The following TMEM108 variants were observed in gnomAD, a reference collection of about 807,000 sequenced individuals.
TMEM108 encodes the protein cancer/testis antigen 124.
Under a neutral mutation model 35.1 loss-of-function variants are expected in TMEM108, and 12 were observed. The observed-to-expected ratio is 0.34, with a 90% CI of 0.22 to 0.55. The LOEUF (loss-of-function observed/expected upper bound fraction) is 0.55, where lower values mean the gene tolerates loss of function less well. TMEM108 is among the 20% of genes least tolerant of loss of function. TMEM108 has a pLI of 0.89. For missense variants in TMEM108, 680 were observed against 753.3 expected (o/e 0.90, Z 1.14); for synonymous variants, 287 against 308.6 (o/e 0.93, Z 0.73).
At chr3:133,244,883 G>T (rs80080801) in intron 3 of TMEM108, among the ~76,000 whole-genome samples, 6,754 of 152,272 alleles carry the variant, frequency 0.044, 191 homozygotes, top group Non-Finnish European at 0.064. Context: ...ATTCTTGTGT[G>T]TACAACAGGG....
At chr3:133,339,435 C>G (rs2071597302) in intron 3 of TMEM108, among the ~76,000 whole-genome samples, 1 of 151,842 alleles carries the variant, frequency 6.6e-6, no homozygotes, top group African/African-American at 2.4e-5. Context: ...ACACCCAACA[C>G]TGGAGCACCC....
intron 2 of TMEM108, among the ~76,000 whole-genome samples, chr3:133,085,016 G>A (rs758359304): frequency 8.5e-5 from 13 of 152,140 alleles, no homozygotes; most frequent in Non-Finnish European, 1.2e-4. Flanking sequence ...GAAGCACCTC[G>A]CGAGGCCTCA....
intron 3 of TMEM108, among the ~76,000 whole-genome samples, chr3:133,278,034 C>T (rs1159409340): frequency 6.6e-6 from 1 of 152,318 alleles, no homozygotes; most frequent in African/African-American, 2.4e-5. Context: ...AACAAAACTA[C>T]GGCAAGCCTT....
At chr3:133,391,680 T>C (rs1197488975) in intron 5 of TMEM108, among the ~76,000 whole-genome samples, 3 of 152,166 alleles carry the variant, frequency 2.0e-5, no homozygotes, top group African/African-American at 7.2e-5. Context: ...GCATGGGCTG[T>C]CGCCTCTCCT....
chr3:133,166,757 A>G (rs1945044806), intron 2 of TMEM108, among the ~76,000 whole-genome samples: 1 of 152,226 alleles, frequency 6.6e-6, no homozygotes. Flanking sequence ...CCAAAGAGTG[A>G]GCAGCAGAAA....
chr3:133,349,558 G>A (rs2071927876), intron 3 of TMEM108, among the ~76,000 whole-genome samples: 1 of 151,366 alleles, frequency 6.6e-6, no homozygotes, highest in African/African-American at 2.4e-5. Flanking sequence ...CTGACAAGGG[G>A]TTAATATCCA....
intron 3 of TMEM108, among the ~76,000 whole-genome samples, chr3:133,343,566 T>G (rs2071727512): frequency 6.6e-6 from 1 of 151,928 alleles, no homozygotes; most frequent in Non-Finnish European, 1.5e-5. Flanking sequence ...GTTGCTGATT[T>G]GTGCAAAGAC....
chr3:133,160,503 G>C (rs1454930846), intron 2 of TMEM108, among the ~76,000 whole-genome samples: 3 of 152,152 alleles, frequency 2.0e-5, no homozygotes, highest in Non-Finnish European at 4.4e-5. Context: ...GCTTCTCCAG[G>C]TTTAGGTTAA....
At chr3:133,310,104 T>C (rs1210342802) in intron 3 of TMEM108, among the ~76,000 whole-genome samples, 1 of 152,176 alleles carries the variant, frequency 6.6e-6, no homozygotes, top group Non-Finnish European at 1.5e-5. Flanking sequence ...AGTTCTTTTA[T>C]ATTTGCTTTA....
At chr3:133,044,205 T>C (rs1943308202) in intron 1 of TMEM108, among the ~76,000 whole-genome samples, 1 of 152,252 alleles carries the variant, frequency 6.6e-6, no homozygotes, top group African/African-American at 2.4e-5. Context: ...TGTTATGTAA[T>C]GTCAATTTTC....
chr3:133,121,870 A>AT (rs1383727941), intron 2 of TMEM108, among the ~76,000 whole-genome samples: 4 of 152,236 alleles, frequency 2.6e-5, no homozygotes, highest in Non-Finnish European at 5.9e-5. Context: ...GCAATGCTCT[A>AT]TTTTTTTAAC....
At chr3:133,119,571 G>A (rs1294218853) in intron 2 of TMEM108, 3 of 152,150 alleles carry the variant, frequency 2.0e-5, no homozygotes, top group Non-Finnish European at 4.4e-5. Flanking sequence ...AATGAATAGT[G>A]TAAATAAGTT....
At chr3:133,230,855 A>G (rs1235438572) in intron 3 of TMEM108, among the ~76,000 whole-genome samples, 1 of 152,198 alleles carries the variant, frequency 6.6e-6, no homozygotes, top group East Asian at 1.9e-4. Flanking sequence ...CCATCCTCTT[A>G]TATTGAGCAA....
chr3:133,222,963 G>A (rs938847282), intron 2 of TMEM108, among the ~76,000 whole-genome samples: 1 of 152,004 alleles, frequency 6.6e-6, no homozygotes, highest in Non-Finnish European at 1.5e-5. Context: ...TGGGACCATA[G>A]GCACACATCA....
chr3:133,062,930 G>A (rs1249622515), intron 2 of TMEM108, among the ~76,000 whole-genome samples: 1 of 152,216 alleles, frequency 6.6e-6, no homozygotes, highest in Non-Finnish European at 1.5e-5. Context: ...ATAGAGTTCA[G>A]CATGTATGGA....
At chr3:133,179,133 G>A (rs1279421153) in intron 2 of TMEM108, among the ~76,000 whole-genome samples, 2,661 of 149,422 alleles carry the variant, frequency 0.018, 75 homozygotes, top group African/African-American at 0.057. Flanking sequence ...TTAGAATGGC[G>A]ATCATTAAAA....
Position 133,227,419 on chromosome 3 carries a change from T to C in TMEM108, c.-46-1847T>C, listed in dbSNP as rs1946090105. ...CGTGTTAGCCAGGATGGTCTCGATC[T>C]CCTGACCTCGTGATCCGCCCGCCTC... On this transcript the variant is annotated intron_variant, in intron 2 of 5. Transcript: ENST00000321871. 2.0e-5 allele frequency among the ~76,000 whole-genome samples: 3 copies of C among 148,686 alleles called. 1 individual carries two copies. In the South Asian group the frequency reaches 6.4e-4, roughly 32 times the overall value.
intron 2 of TMEM108, among the ~76,000 whole-genome samples, chr3:133,170,921 C>T (rs1945121205): frequency 6.6e-6 from 1 of 152,140 alleles, no homozygotes; most frequent in Non-Finnish European, 1.5e-5. Context: ...CCCCGTATCA[C>T]CCAGTCCATG....
intron 2 of TMEM108, among the ~76,000 whole-genome samples, chr3:133,116,517 G>A (rs1944289528): frequency 6.6e-6 from 1 of 152,034 alleles, no homozygotes; most frequent in African/African-American, 2.4e-5. Context: ...AATAAAATGG[G>A]GGAGGCATAT....
Sources: gnomAD v4.1 joint callset for allele counts (sites outside exome capture counted in the v4.1 genomes callset) on GRCh38, gnomAD v4.1.1 for gene constraint, MANE v1.5 for transcripts, NCBI Gene and HGNC (gene_info 2026-07-23, HGNC 2026-07-21) for gene names.